Variants in CNTN4 observed in about 807,000 individuals in gnomAD.
CNTN4 encodes contactin-4.
A neutral mutation model predicts 122.5 loss-of-function variants in CNTN4; 77 were observed. That is an observed-to-expected ratio of 0.63 (90% CI 0.52 to 0.76). The LOEUF (loss-of-function observed/expected upper bound fraction) is 0.76. Ranked by LOEUF, CNTN4 falls within the 30% of genes least tolerant of loss-of-function variation. The pLI is 0.00. For synonymous variants in CNTN4, 512 were observed against 447.0 expected (o/e 1.15, Z -1.83); for missense variants, 1,256 against 1,259.1 (o/e 1.00, Z 0.04).
intron 4 of CNTN4, among the ~76,000 whole-genome samples, chr3:2,716,610 A>G (rs941189616): frequency 6.6e-6 from 1 of 152,232 alleles, no homozygotes; most frequent in African/African-American, 2.4e-5. Context: ...GAGAAGAGAT[A>G]CACTCCATAT....
At chr3:2,758,644 T>C (rs1020729025) in intron 6 of CNTN4, among the ~76,000 whole-genome samples, 1 of 151,654 alleles carries the variant, frequency 6.6e-6, no homozygotes, top group African/African-American at 2.4e-5. Context: ...GTAGCTGGGA[T>C]TACAGGCGCA....
intron 4 of CNTN4, among the ~76,000 whole-genome samples, chr3:2,663,317 A>G (rs960973763): frequency 6.6e-6 from 1 of 152,178 alleles, no homozygotes; most frequent in Non-Finnish European, 1.5e-5. Context: ...TAGAATAGGG[A>G]TGGATTCAAG....
chr3:2,335,749 G>A (rs1450383526), intron 2 of CNTN4, among the ~76,000 whole-genome samples: 2 of 152,100 alleles, frequency 1.3e-5, no homozygotes, highest in African/African-American at 4.8e-5. Flanking sequence ...AGTGAGGTGT[G>A]AATAAATAAT....
rs571561753 is a variant in CNTN4 at position 2,187,729 on chromosome 3, C to G, written c.-145+87090C>G. Among the ~76,000 whole-genome samples, 11 of 152,248 alleles carry G rather than the reference C, an allele frequency of 7.2e-5. No individual in the cohort carries two copies. The South Asian group carries it at 2.3e-3, about 32-fold the overall frequency. On this transcript the variant is annotated intron_variant, in intron 2 of 24. Coordinates refer to ENST00000418658, the MANE Select transcript of CNTN4 (RefSeq NM_175607.3). ...TGCAGGGCCCTTGCAAATATCAAAG[C>G]AGGACCACCTTATGCCGCTAGCCTT...
At chr3:2,711,990 G>T (rs2087179500) in intron 4 of CNTN4, among the ~76,000 whole-genome samples, 1 of 152,088 alleles carries the variant, frequency 6.6e-6, no homozygotes, top group African/African-American at 2.4e-5. Context: ...TGTTATTTAT[G>T]GGATAGTTTA....
intron 13 of CNTN4, among the ~76,000 whole-genome samples, chr3:2,969,516 G>GATTATTATTATT (rs57712177): frequency 4.2e-4 from 51 of 121,464 alleles, no homozygotes; most frequent in Admixed American, 1.6e-3. Context: ...GGAAAATTGG[G>GATTATTATTATT]ATTATTATTA....
intron 3 of CNTN4, among the ~76,000 whole-genome samples, chr3:2,395,266 A>G (rs35717117): frequency 0.2 from 29,852 of 152,178 alleles, 3,510 homozygotes; most frequent in Middle Eastern, 0.29. Flanking sequence ...AAGGAAATGC[A>G]TACTGTTTGT....
chr3:2,703,003 T>C (rs1559404968), intron 4 of CNTN4, among the ~76,000 whole-genome samples: 2 of 152,238 alleles, frequency 1.3e-5, no homozygotes, highest in African/African-American at 2.4e-5. Flanking sequence ...TGGTAATTTC[T>C]GTAAGTTTTC....
intron 2 of CNTN4, among the ~76,000 whole-genome samples, chr3:2,296,789 GAAA>G (rs34529722): frequency 3.7e-5 from 4 of 109,128 alleles, no homozygotes; most frequent in Admixed American, 2.8e-4. Flanking sequence ...CCTTTGCTCT[GAAA>G]AAAAAAAACA....
Position 2,581,798 on chromosome 3 carries a change from A to G in CNTN4, c.55+10240A>G, listed in dbSNP as rs1466664886. On this transcript the variant is annotated intron_variant, in intron 4 of 24. Transcript: ENST00000418658. Reference sequence around the variant, plus strand: ...AGTAAAAAATGTGGTAGTCCCATACAGTGGAATATTATTCAGCCATAAAAA... The same window carrying G: ...AGTAAAAAATGTGGTAGTCCCATACGGTGGAATATTATTCAGCCATAAAAA... Among the ~76,000 whole-genome samples the G allele has an allele frequency of 3.3e-5, 5 of 152,238 alleles. No homozygotes were observed. The East Asian group carries it at 9.6e-4, about 29-fold the overall frequency.
intron 2 of CNTN4, among the ~76,000 whole-genome samples, chr3:2,108,600 C>G (rs2032669570): frequency 6.6e-6 from 1 of 152,124 alleles, no homozygotes; most frequent in South Asian, 2.1e-4. Flanking sequence ...AAATTCTTAC[C>G]AATCCTAGAT....
chr3:2,302,570 A>C lies in CNTN4; in HGVS notation c.-144-36608A>C, dbSNP rs150395769. Among the ~76,000 whole-genome samples the C allele has an allele frequency of 1.9e-3, 283 of 152,330 alleles. 1 individual carries two copies. Among genetic ancestry groups the C allele is most frequent in the African/African-American group, 6.4e-3 (266 of 41,572 alleles). ...AGTCGTTGAAATATTTAATTTTGAA[A>C]TGCAATAATATTTTCTCAAATTAAT... On this transcript the variant is annotated intron_variant, in intron 2 of 24. Transcript: ENST00000418658.
Position 3,043,070 on chromosome 3 carries a change from G to A in CNTN4, c.2605G>A (p.Gly869Ser), listed in dbSNP as rs1194216177. ...ATCAACAAAAATCACGAACTTAAAA[G>A]GCAGTGTGCTGTATCACTTAGCTGT... ...QTSTKITNLK[G>S]SVLYHLAVKA... is the part of the protein sequence containing the mutation. Residue 869 changes from glycine to serine, a missense_variant, in exon 22 of 25, where the codon GGC becomes AGC. Coordinates refer to ENST00000418658, the MANE Select transcript of CNTN4 (RefSeq NM_175607.3). The A allele has an allele frequency of 6.2e-7, 1 of 1,614,188 alleles. No homozygotes were observed. The highest frequency in any genetic ancestry group is 8.5e-7 in the Non-Finnish European group (1 of 1,180,022).
chr3:2,226,294 G>A (rs765917506), intron 2 of CNTN4, among the ~76,000 whole-genome samples: 6 of 152,124 alleles, frequency 3.9e-5, no homozygotes, highest in Non-Finnish European at 7.4e-5. Flanking sequence ...ATCGTAGTTA[G>A]CAAAGTAGTA....
intron 2 of CNTN4, among the ~76,000 whole-genome samples, chr3:2,114,047 A>G (rs771955509): frequency 3.9e-5 from 6 of 152,202 alleles, no homozygotes; most frequent in Admixed American, 2.0e-4. Flanking sequence ...AACTCAAATT[A>G]CAGTGTGATG....
chr3:2,566,356 G>GCC (rs752966486), intron 3 of CNTN4, among the ~76,000 whole-genome samples: 1 of 152,046 alleles, frequency 6.6e-6, no homozygotes, highest in Non-Finnish European at 1.5e-5. Flanking sequence ...TATTCTAATT[G>GCC]CCAAAGCTCT....
intron 2 of CNTN4, among the ~76,000 whole-genome samples, chr3:2,252,148 A>G (rs1225474401): frequency 6.6e-6 from 1 of 152,032 alleles, no homozygotes; most frequent in Non-Finnish European, 1.5e-5. Context: ...CATTGCAGAT[A>G]TTAGAAACAA....
At chr3:2,480,201 A>G (rs747697974) in intron 3 of CNTN4, among the ~76,000 whole-genome samples, 7 of 152,158 alleles carry the variant, frequency 4.6e-5, no homozygotes, top group Non-Finnish European at 7.3e-5. Context: ...TCCTACCAGG[A>G]TCAGAAACAA....
At chr3:2,522,244 C>T (rs1025292715) in intron 3 of CNTN4, among the ~76,000 whole-genome samples, 4 of 151,094 alleles carry the variant, frequency 2.6e-5, no homozygotes, top group African/African-American at 7.3e-5. Flanking sequence ...TGCTTTACTT[C>T]CATAGTCTAG....
Sources: allele counts gnomAD v4.1 joint callset (sites outside exome capture counted in the v4.1 genomes callset), GRCh38; gene constraint gnomAD v4.1.1; transcripts MANE v1.5; gene names NCBI Gene and HGNC (gene_info 2026-07-23, HGNC 2026-07-21).